The following LGR4 variants were observed in gnomAD, a reference collection of about 807,000 sequenced individuals.
The protein encoded by LGR4 is leucine-rich repeat-containing G protein-coupled receptor 4.
A neutral mutation model predicts 84.8 loss-of-function variants in LGR4; 44 were observed. That is an observed-to-expected ratio of 0.52 (90% CI 0.41 to 0.67). The LOEUF is 0.67. Among genes scored for constraint, LGR4 ranks in the 30% least tolerant of loss-of-function variants. The pLI is 0.00. For missense variants in LGR4, 1,032 were observed against 1,131.4 expected, an observed-to-expected ratio of 0.91 and a Z score of 1.26; for synonymous variants, 429 against 434.3, an observed-to-expected ratio of 0.99 and a Z score of 0.15.
intron 1 of LGR4, among the ~76,000 whole-genome samples, chr11:27,434,820 C>G (rs1365411668): frequency 6.6e-6 from 1 of 152,148 alleles, no homozygotes; most frequent in African/African-American, 2.4e-5. Flanking sequence ...CTCCATCAAT[C>G]TAAAGAGGGG....
chr11:27,377,449 C>T (rs1863006498), intron 11 of LGR4, among the ~76,000 whole-genome samples: 1 of 151,486 alleles, frequency 6.6e-6, no homozygotes, highest in Non-Finnish European at 1.5e-5. Flanking sequence ...TGAGCATAGA[C>T]ACTAATATAT....
At chr11:27,385,208 C>T in intron 5 of LGR4, 45 bp downstream of exon 5, 1 of 1,318,148 alleles carries the variant, frequency 7.6e-7, no homozygotes, top group South Asian at 1.6e-5. Flanking sequence ...GTTTTTGTAC[C>T]CCAATTAACA....
At chr11:27,387,550 A>G (rs1863210411) in intron 4 of LGR4, among the ~76,000 whole-genome samples, 1 of 152,176 alleles carries the variant, frequency 6.6e-6, no homozygotes, top group South Asian at 2.1e-4. Flanking sequence ...GAGACCCAGT[A>G]GCAGAAACCA....
At position 27,367,258 on chromosome 11, in the gene LGR4, G is replaced by C. The variant is rs1862782722; in HGVS notation, c.*609C>G. 1 of 152,262 alleles carries C rather than the reference G, an allele frequency of 6.6e-6. No homozygotes were observed. The highest frequency in any genetic ancestry group is 2.1e-4 in the South Asian group (1 of 4,824). The allele number at this position is 152,262 out of a possible 1,614,324, so 9.4% of individuals were successfully genotyped here. A position where few individuals can be genotyped will look rare whatever the true frequency, so the allele number is the denominator to read the frequency against. ...TTTTAACCTAACAGCTGTTAATATTGTTTTAAAAACATCTTCAGGTTTTAG... is the reference window on the plus strand; with the variant it reads ...TTTTAACCTAACAGCTGTTAATATTCTTTTAAAAACATCTTCAGGTTTTAG... On this transcript the variant is annotated 3_prime_UTR_variant, in exon 18 of 18. Coordinates refer to ENST00000379214, the MANE Select transcript of LGR4 (RefSeq NM_018490.5).
At position 27,428,836 on chromosome 11, in the gene LGR4, T is replaced by C. The variant is rs898836589; in HGVS notation, c.186-15976A>G. On this transcript the variant is annotated intron_variant, in intron 1 of 17. Coordinates refer to ENST00000379214, the MANE Select transcript of LGR4 (RefSeq NM_018490.5). Reference sequence around the variant, plus strand: ...CTCAAGGGATCCTCCTGCTTTGGCCTCCCAAGTAGCTGGAACTACAGGCAT... The same window carrying C: ...CTCAAGGGATCCTCCTGCTTTGGCCCCCCAAGTAGCTGGAACTACAGGCAT... 3.9e-5 allele frequency among the ~76,000 whole-genome samples: 6 copies of C among 152,164 alleles called. No individual in the cohort carries two copies. The South Asian group carries it at 1.2e-3, about 32-fold the overall frequency.
chr11:27,440,510 A>C (rs1864288093), intron 1 of LGR4, among the ~76,000 whole-genome samples: 1 of 152,170 alleles, frequency 6.6e-6, no homozygotes, highest in South Asian at 2.1e-4. Flanking sequence ...ACCACTGTTA[A>C]GGTGACTTTC....
chr11:27,423,004 A>T (rs532906708), intron 1 of LGR4, among the ~76,000 whole-genome samples: 4 of 152,146 alleles, frequency 2.6e-5, no homozygotes, highest in African/African-American at 9.6e-5. Flanking sequence ...ACATCGTGAC[A>T]TTTTTTTCAC....
At chr11:27,440,924 G>A (rs752706922) in intron 1 of LGR4, among the ~76,000 whole-genome samples, 1 of 152,134 alleles carries the variant, frequency 6.6e-6, no homozygotes, top group Non-Finnish European at 1.5e-5. Flanking sequence ...CTGGTGATTC[G>A]AATACACATT....
At chr11:27,453,785 T>C (rs1864525972) in intron 1 of LGR4, among the ~76,000 whole-genome samples, 1 of 152,244 alleles carries the variant, frequency 6.6e-6, no homozygotes, top group Non-Finnish European at 1.5e-5. Context: ...GTACTGATTC[T>C]GTAAACCAAA....
intron 10 of LGR4, 121 bp from the exon 11 acceptor site, chr11:27,378,889 G>T: frequency 1.5e-6 from 1 of 657,602 alleles, no homozygotes. Context: ...ACATCCCATG[G>T]CCTAATTATT....
chr11:27,369,956 T>C (rs1862849220), intron 17 of LGR4, among the ~76,000 whole-genome samples: 1 of 152,172 alleles, frequency 6.6e-6, no homozygotes, highest in South Asian at 2.1e-4. Flanking sequence ...CTATGTACAA[T>C]AAAATCCTAC....
At chr11:27,395,317 G>T (rs967658645) in intron 2 of LGR4, among the ~76,000 whole-genome samples, 4 of 151,698 alleles carry the variant, frequency 2.6e-5, no homozygotes, top group Non-Finnish European at 4.4e-5. Context: ...TTGTATCTAT[G>T]GGCTTTCCTT....
intron 7 of LGR4, 45 bp from the exon 8 acceptor site, chr11:27,381,011 G>A (rs1863083289): frequency 9.2e-7 from 1 of 1,086,182 alleles, no homozygotes; most frequent in Non-Finnish European, 1.4e-6. Context: ...TTATCCTCTT[G>A]CGAAATAAAA....
chr11:27,389,606 A>G (rs951467506), intron 4 of LGR4, among the ~76,000 whole-genome samples: 5 of 152,144 alleles, frequency 3.3e-5, no homozygotes, highest in African/African-American at 1.2e-4. Context: ...ATTACCCTTT[A>G]AACTAGACAA....
intron 15 of LGR4, chr11:27,373,031 T>C (rs913052550): frequency 2.0e-5 from 3 of 152,378 alleles, no homozygotes; most frequent in African/African-American, 4.8e-5. Flanking sequence ...AGCTAACTTT[T>C]ATATTTTTTG....
intron 1 of LGR4, among the ~76,000 whole-genome samples, chr11:27,418,384 G>A (rs992867324): frequency 3.9e-5 from 6 of 152,168 alleles, no homozygotes; most frequent in African/African-American, 9.7e-5. Flanking sequence ...GTTTTAGCAC[G>A]ACTAGAATCC....
chr11:27,448,082 T>A (rs149733309), intron 1 of LGR4, among the ~76,000 whole-genome samples: 10 of 152,290 alleles, frequency 6.6e-5, no homozygotes, highest in African/African-American at 2.4e-4. Context: ...TACTTATGTA[T>A]GAAATTAAAG....
At chr11:27,399,064 C>T (rs544327530) in intron 2 of LGR4, among the ~76,000 whole-genome samples, 4 of 152,246 alleles carry the variant, frequency 2.6e-5, no homozygotes, top group Non-Finnish European at 5.9e-5. Context: ...CCATGTACCA[C>T]CACACTCGGC....
chr11:27,463,485 T>C (rs1382197842), intron 1 of LGR4, among the ~76,000 whole-genome samples: 1 of 152,068 alleles, frequency 6.6e-6, no homozygotes, highest in East Asian at 1.9e-4. Context: ...TAATGTGTAA[T>C]ATTTAAAACA....
Sources: allele counts gnomAD v4.1 joint callset (sites outside exome capture counted in the v4.1 genomes callset), GRCh38; gene constraint gnomAD v4.1.1; transcripts MANE v1.5; gene names NCBI Gene and HGNC (gene_info 2026-07-23, HGNC 2026-07-21).